DPF3: variants seen among roughly 807,000 people sequenced by gnomAD.
The protein encoded by DPF3 is double PHD fingers 3.
A neutral mutation model predicts 56.8 loss-of-function variants in DPF3; 18 were observed. The observed-to-expected ratio is 0.32, with a 90% CI of 0.22 to 0.47. DPF3 has a LOEUF of 0.47. Ranked by LOEUF, DPF3 falls within the 20% of genes least tolerant of loss-of-function variation. The pLI is 1.00. For synonymous variants in DPF3, 188 were observed against 180.2 expected (o/e 1.04, Z -0.35); for missense variants, 403 against 488.8 (o/e 0.82, Z 1.65).
intron 3 of DPF3, among the ~76,000 whole-genome samples, chr14:72,733,183 G>C (rs1322744114): frequency 6.6e-6 from 1 of 152,076 alleles, no homozygotes; most frequent in East Asian, 1.9e-4. Context: ...TCTGATCCTG[G>C]ACCTCATACC....
chr14:72,775,121 A>G (rs949822751), intron 1 of DPF3, among the ~76,000 whole-genome samples: 7 of 152,264 alleles, frequency 4.6e-5, no homozygotes, highest in African/African-American at 1.7e-4. Flanking sequence ...CCAACGTGAG[A>G]GCAGCAATCT....
At chr14:72,731,158 C>T (rs1249870653) in intron 4 of DPF3, among the ~76,000 whole-genome samples, 1 of 150,680 alleles carries the variant, frequency 6.6e-6, no homozygotes, top group Non-Finnish European at 1.5e-5. Context: ...GGTGACAGAG[C>T]GAGACTCTGT....
intron 6 of DPF3, among the ~76,000 whole-genome samples, chr14:72,704,457 A>G (rs1888321079): frequency 6.6e-6 from 1 of 152,178 alleles, no homozygotes; most frequent in Non-Finnish European, 1.5e-5. Context: ...ATGCCAGGAC[A>G]TCAGTGCGGC....
chr14:72,693,415 CTG>C lies in DPF3; in HGVS notation c.605-204_605-203del, dbSNP rs1887783644. On this transcript the variant is annotated intron_variant, in intron 6 of 10. Coordinates refer to ENST00000556509, the MANE Select transcript of DPF3 (RefSeq NM_001280542.3). ...ACAACTCAGGTCATGGAAAGAAAAA[CTG>C]TAAAAGTAAAATATGAGGTTAAGAG... Among the ~76,000 whole-genome samples, 3 of 152,172 alleles carry C rather than the reference CTG, an allele frequency of 2.0e-5. No homozygotes were observed. The South Asian group carries it at 6.2e-4, about 32-fold the overall frequency.
chr14:72,863,807 C>A (rs548703877), intron 1 of DPF3, among the ~76,000 whole-genome samples: 223 of 152,284 alleles, frequency 1.5e-3, no homozygotes, highest in Admixed American at 6.7e-3. Context: ...TGCCACTGTG[C>A]AAATGTTCTG....
In DPF3 at chr14:72,781,404, T is replaced by C. The variant is rs906554110; in HGVS notation, c.33-9511A>G. ...ACAAAGGTATCCCTTGGGAAAGTTA[T>C]GTCCGACAAACAGCTTGAACCCTAA... On this transcript the variant is annotated intron_variant, in intron 1 of 10. Transcript: ENST00000556509. 8.5e-5 allele frequency among the ~76,000 whole-genome samples: 13 copies of C among 152,346 alleles called. No homozygotes were observed. In the South Asian group the frequency reaches 2.7e-3, roughly 32 times the overall value.
chr14:72,676,361 C>T (rs941048446), intron 7 of DPF3, among the ~76,000 whole-genome samples: 5 of 152,168 alleles, frequency 3.3e-5, no homozygotes, highest in Admixed American at 1.3e-4. Flanking sequence ...TAGGGACTTC[C>T]TATAATTTTC....
At chr14:72,642,498 T>C (rs888166419) in intron 8 of DPF3, among the ~76,000 whole-genome samples, 3 of 152,188 alleles carry the variant, frequency 2.0e-5, no homozygotes, top group Admixed American at 6.5e-5. Context: ...TTTTTTTCAG[T>C]GAATCTCCTT....
At chr14:72,808,446 G>A (rs372769664) in intron 1 of DPF3, among the ~76,000 whole-genome samples, 1 of 152,122 alleles carries the variant, frequency 6.6e-6, no homozygotes, top group African/African-American at 2.4e-5. Context: ...CCAGTCCTTG[G>A]TGTAATACTA....
Position 72,614,417 on chromosome 14 carries a change from G to A in DPF3, c.*4880C>T, listed in dbSNP as rs1012749032. ...GCAACACACAGCAGGAAGAGGAGGA[G>A]CTCTGTCCACTTTGCAGAGGGGAGA... is the stretch of plus-strand genomic sequence containing the variant. On this transcript the variant is annotated 3_prime_UTR_variant, in exon 11 of 11. Transcript: ENST00000556509. Among the ~76,000 whole-genome samples, 1 of 152,178 alleles carries A rather than the reference G, an allele frequency of 6.6e-6. No homozygotes were observed. The highest frequency in any genetic ancestry group is 1.5e-5 in the Non-Finnish European group (1 of 68,032).
chr14:72,661,929 G>A, intron 8 of DPF3: 2 of 982,312 alleles, frequency 2.0e-6, no homozygotes, highest in Non-Finnish European at 1.2e-6. Context: ...AACTTGAGGG[G>A]ATATATTCCA....
chr14:72,737,210 CAAAA>C lies in DPF3; in HGVS notation c.302-5280_302-5277del, dbSNP rs991802363. Among the ~76,000 whole-genome samples the C allele has an allele frequency of 3.4e-5, 5 of 148,970 alleles. No individual in the cohort carries two copies. The East Asian group carries it at 7.9e-4, about 23-fold the overall frequency. On this transcript the variant is annotated intron_variant, in intron 3 of 10. Transcript: ENST00000556509. ...AAAAGCAAAAAAACAAACAAACAAACAAAAAAAACCACACACACACACAGAAATT... is the reference window on the plus strand; with the variant it reads ...AAAAGCAAAAAAACAAACAAACAAACAAAACCACACACACACACAGAAATT...
At chr14:72,757,647 C>A (rs1016009305) in intron 2 of DPF3, among the ~76,000 whole-genome samples, 1 of 151,946 alleles carries the variant, frequency 6.6e-6, no homozygotes, top group East Asian at 1.9e-4. Context: ...TAAAAAAATA[C>A]AATATAATAC....
intron 3 of DPF3, among the ~76,000 whole-genome samples, chr14:72,735,254 TG>T (rs1164493178): frequency 2.0e-5 from 3 of 152,242 alleles, no homozygotes; most frequent in Admixed American, 1.3e-4. Context: ...AGGGCAGGTT[TG>T]TGCCATGGTT....
At chr14:72,761,439 T>C (rs1891065469) in intron 2 of DPF3, among the ~76,000 whole-genome samples, 2 of 152,020 alleles carry the variant, frequency 1.3e-5, no homozygotes, top group Non-Finnish European at 2.9e-5. Flanking sequence ...TCCCAAGTGT[T>C]TGGAAACTAA....
intron 1 of DPF3, among the ~76,000 whole-genome samples, chr14:72,820,010 A>G (rs191798255): frequency 2.9e-3 from 440 of 152,308 alleles, no homozygotes; most frequent in Non-Finnish European, 4.5e-3. Flanking sequence ...ATTAATCTAC[A>G]GTTACAGAGA....
intron 7 of DPF3, among the ~76,000 whole-genome samples, chr14:72,680,993 C>G (rs1887143859): frequency 6.6e-6 from 1 of 152,228 alleles, no homozygotes; most frequent in South Asian, 2.1e-4. Context: ...CTGTTCTATA[C>G]TCATGTAAAT....
intron 1 of DPF3, among the ~76,000 whole-genome samples, chr14:72,795,291 A>ATATATAC (rs1158510213): frequency 8.2e-6 from 1 of 122,412 alleles, no homozygotes; most frequent in Non-Finnish European, 1.7e-5. Flanking sequence ...AAAAAAAAAA[A>ATATATAC]AAAAATATAT....
At chr14:72,686,555 T>C (rs1477070104) in intron 7 of DPF3, among the ~76,000 whole-genome samples, 2 of 152,168 alleles carry the variant, frequency 1.3e-5, no homozygotes, top group Non-Finnish European at 1.5e-5. Flanking sequence ...AGCCACAGGG[T>C]CAAGGATGTA....
Sources: gnomAD v4.1 joint callset for allele counts (sites outside exome capture counted in the v4.1 genomes callset) on GRCh38, gnomAD v4.1.1 for gene constraint, MANE v1.5 for transcripts, NCBI Gene and HGNC (gene_info 2026-07-23, HGNC 2026-07-21) for gene names.